Variants in LRMDA observed in about 807,000 individuals in gnomAD.
The protein encoded by LRMDA is leucine rich melanocyte differentiation associated.
In LRMDA, 18 loss-of-function variants were observed where a neutral mutation model predicts 29.8. The ratio of observed to expected loss-of-function variants is 0.60; its 90% CI spans 0.42 to 0.90. The LOEUF is 0.90. LRMDA is among the 40% of genes least tolerant of loss of function. The probability of loss-of-function intolerance (pLI) is 0.00; values close to 1 mark genes in which losing one functional copy is unlikely to be tolerated. For synonymous variants in LRMDA, 125 were observed against 109.4 expected (o/e 1.14, Z -0.89); for missense variants, 273 against 273.9 (o/e 1.00, Z 0.02).
intron 5 of LRMDA, among the ~76,000 whole-genome samples, chr10:76,292,865 G>C (rs1840359009): frequency 6.6e-6 from 1 of 152,070 alleles, no homozygotes; most frequent in Admixed American, 6.6e-5. Flanking sequence ...GGCTAAACAG[G>C]GTGGCTCCAT....
intron 2 of LRMDA, among the ~76,000 whole-genome samples, chr10:75,990,312 A>G (rs1387151910): frequency 1.3e-5 from 2 of 152,190 alleles, no homozygotes; most frequent in South Asian, 2.1e-4. Flanking sequence ...GCCATGGTGG[A>G]CAGAAAAAAA....
chr10:75,497,483 A>G (rs1564786127), intron 2 of LRMDA, among the ~76,000 whole-genome samples: 1 of 151,776 alleles, frequency 6.6e-6, no homozygotes, highest in Non-Finnish European at 1.5e-5. Context: ...TGAGAAATGC[A>G]TGAACCCTAA....
chr10:75,928,586 A>G (rs899824576), intron 2 of LRMDA, among the ~76,000 whole-genome samples: 5 of 152,228 alleles, frequency 3.3e-5, no homozygotes, highest in Admixed American at 3.3e-4. Flanking sequence ...GGTGCATCAT[A>G]TACCGCGAGG....
intron 2 of LRMDA, among the ~76,000 whole-genome samples, chr10:75,507,580 T>C (rs994310466): frequency 1.3e-5 from 2 of 151,868 alleles, no homozygotes; most frequent in Middle Eastern, 3.2e-3. Flanking sequence ...GATTGAAAAA[T>C]GTGGTCTGAA....
intron 5 of LRMDA, among the ~76,000 whole-genome samples, chr10:76,163,918 G>T (rs1176110552): frequency 6.6e-6 from 1 of 152,136 alleles, no homozygotes; most frequent in Non-Finnish European, 1.5e-5. Context: ...TCTGATGGGA[G>T]ATTTAGTCAG....
At chr10:75,783,041 T>G (rs748500274) in intron 2 of LRMDA, 4 of 1,613,936 alleles carry the variant, frequency 2.5e-6, no homozygotes, top group Non-Finnish European at 3.4e-6. Context: ...GACAGGACCC[T>G]TAATCAAAGA....
chr10:75,434,671 T>G (rs546894279), intron 1 of LRMDA, among the ~76,000 whole-genome samples: 12 of 152,220 alleles, frequency 7.9e-5, no homozygotes, highest in Admixed American at 1.3e-4. Context: ...ACTGCAGCCT[T>G]GAACTCCTGA....
intron 5 of LRMDA, among the ~76,000 whole-genome samples, chr10:76,273,311 T>C (rs1344087922): frequency 2.0e-5 from 3 of 152,190 alleles, no homozygotes; most frequent in Non-Finnish European, 4.4e-5. Context: ...TTGAATTTTG[T>C]GTAAATATTT....
At chr10:76,365,834 G>GTC (rs1841386073) in intron 6 of LRMDA, among the ~76,000 whole-genome samples, 1 of 152,176 alleles carries the variant, frequency 6.6e-6, no homozygotes, top group Non-Finnish European at 1.5e-5. Context: ...TCAATGTCTA[G>GTC]AAGGGTTTTT....
chr10:75,498,872 T>C (rs755061593), intron 2 of LRMDA, among the ~76,000 whole-genome samples: 47 of 152,078 alleles, frequency 3.1e-4, no homozygotes, highest in Non-Finnish European at 6.3e-4. Flanking sequence ...CCACGAATCC[T>C]CTCCGTCTCA....
At chr10:76,010,166 A>T (rs1564629371) in intron 2 of LRMDA, among the ~76,000 whole-genome samples, 1 of 152,128 alleles carries the variant, frequency 6.6e-6, no homozygotes, top group South Asian at 2.1e-4. Context: ...TTGAGAGGCA[A>T]GCTGGTGGCC....
At chr10:75,584,279 G>T (rs1208570129) in intron 2 of LRMDA, among the ~76,000 whole-genome samples, 1 of 151,984 alleles carries the variant, frequency 6.6e-6, no homozygotes, top group African/African-American at 2.4e-5. Context: ...CATATTGCTT[G>T]AGTAACCTCT....
intron 2 of LRMDA, among the ~76,000 whole-genome samples, chr10:75,990,547 G>T (rs935052580): frequency 2.6e-5 from 4 of 152,154 alleles, no homozygotes; most frequent in African/African-American, 9.7e-5. Flanking sequence ...AATATTTATG[G>T]TAAACCCCTT....
At chr10:75,640,552 C>T (rs1411443613) in intron 2 of LRMDA, among the ~76,000 whole-genome samples, 1 of 152,274 alleles carries the variant, frequency 6.6e-6, no homozygotes, top group South Asian at 2.1e-4. Context: ...TTATATATCA[C>T]GTGTAATCGA....
intron 5 of LRMDA, chr10:76,318,458 C>T (rs1027858569): frequency 6.6e-6 from 1 of 152,328 alleles, no homozygotes; most frequent in African/African-American, 2.4e-5. Flanking sequence ...CATAATCCTC[C>T]CCTCCCCACC....
At chr10:76,488,205 A>G (rs955623489) in intron 6 of LRMDA, among the ~76,000 whole-genome samples, 7 of 151,878 alleles carry the variant, frequency 4.6e-5, no homozygotes, top group African/African-American at 1.4e-4. Context: ...ATAGCTTTGT[A>G]GAACTATTAT....
chr10:75,901,368 C>A (rs1426782020), intron 2 of LRMDA, among the ~76,000 whole-genome samples: 1 of 151,036 alleles, frequency 6.6e-6, no homozygotes, highest in African/African-American at 2.4e-5. Flanking sequence ...TCACTTTGAA[C>A]AATCCATCCT....
chr10:76,232,109 C>T (rs1381157136), intron 5 of LRMDA, among the ~76,000 whole-genome samples: 6 of 152,100 alleles, frequency 3.9e-5, no homozygotes, highest in Admixed American at 3.3e-4. Flanking sequence ...TATCAAATAG[C>T]ATGTTTAAAG....
At chr10:75,646,484 C>T (rs752120699) in intron 2 of LRMDA, among the ~76,000 whole-genome samples, 109 of 152,294 alleles carry the variant, frequency 7.2e-4, no homozygotes, top group African/African-American at 2.5e-3. Context: ...ATGTGGCCTC[C>T]GCGAAGAGAT....
Sources: gnomAD v4.1 joint callset for allele counts (sites outside exome capture counted in the v4.1 genomes callset) on GRCh38, gnomAD v4.1.1 for gene constraint, MANE v1.5 for transcripts, NCBI Gene and HGNC (gene_info 2026-07-23, HGNC 2026-07-21) for gene names.